Variants in SHANK2 observed in about 807,000 individuals in gnomAD.
The protein encoded by SHANK2 is SH3 and multiple ankyrin repeat domains protein 2.
In SHANK2, 43 loss-of-function variants were observed where a neutral mutation model predicts 133.7. The observed-to-expected ratio is 0.32, with a 90% CI of 0.25 to 0.41. The LOEUF is 0.41. SHANK2 is among the 10% of genes least tolerant of loss of function. The pLI is 1.00. For missense variants in SHANK2, 1,994 were observed against 2,235.8 expected, an observed-to-expected ratio of 0.89 and a Z score of 2.18; for synonymous variants, 1,017 against 952.8, an observed-to-expected ratio of 1.07 and a Z score of -1.24.
intron 9 of SHANK2, among the ~76,000 whole-genome samples, chr11:71,057,768 C>T (rs1370162932): frequency 6.7e-6 from 1 of 149,874 alleles, no homozygotes; most frequent in Non-Finnish European, 1.5e-5. Context: ...AGGCTAGTCT[C>T]GAACTCCTGG....
chr11:71,085,299 A>C (rs1423980704), intron 8 of SHANK2, among the ~76,000 whole-genome samples: 7 of 151,068 alleles, frequency 4.6e-5, no homozygotes, highest in Admixed American at 4.0e-4. Context: ...TCTACTAAAA[A>C]TACAAAATTA....
At chr11:70,657,324 T>C (rs1231324133) in intron 17 of SHANK2, among the ~76,000 whole-genome samples, 6 of 152,150 alleles carry the variant, frequency 3.9e-5, no homozygotes, top group African/African-American at 1.4e-4. Context: ...TGTGAGGCTA[T>C]TTCACACCAT....
At chr11:70,768,087 A>T (rs533941231) in intron 14 of SHANK2, among the ~76,000 whole-genome samples, 1 of 152,210 alleles carries the variant, frequency 6.6e-6, no homozygotes, top group Admixed American at 6.5e-5. Flanking sequence ...GATGTTGCTG[A>T]ATTTCTTGGA....
intron 17 of SHANK2, among the ~76,000 whole-genome samples, chr11:70,536,697 A>G (rs531131705): frequency 4.6e-5 from 7 of 152,288 alleles, no homozygotes; most frequent in African/African-American, 1.7e-4. Flanking sequence ...TGTCTTGGAC[A>G]TTTCGTGAAA....
At chr11:71,074,284 A>C (rs1364586086) in intron 9 of SHANK2, among the ~76,000 whole-genome samples, 1 of 152,098 alleles carries the variant, frequency 6.6e-6, no homozygotes, top group African/African-American at 2.4e-5. Flanking sequence ...GGACTTAGAG[A>C]CCCGGAGAAC....
chr11:70,901,390 A>C (rs1209296585), intron 10 of SHANK2, among the ~76,000 whole-genome samples: 1 of 152,206 alleles, frequency 6.6e-6, no homozygotes, highest in Non-Finnish European at 1.5e-5. Flanking sequence ...GCACCCACAG[A>C]ATCTTCTATG....
chr11:70,500,523 G>T lies in SHANK2; in HGVS notation c.2308+47C>A. On this transcript the variant is annotated intron_variant, in intron 21 of 25. Transcript: ENST00000601538. This position sits in a 1 kb window ranked among gnomAD's most constrained non-coding sequence, Gnocchi z 4.5. Reference sequence around the variant, plus strand: ...TCACAAAGGATGTTTCTGTTCCACAGGGGGGTGATGGGCAGGGGGCTGAGA... The same window carrying T: ...TCACAAAGGATGTTTCTGTTCCACATGGGGGTGATGGGCAGGGGGCTGAGA... 1 of 1,586,090 alleles carries T rather than the reference G, an allele frequency of 6.3e-7. No homozygotes were observed. The highest frequency in any genetic ancestry group is 8.6e-7 in the Non-Finnish European group (1 of 1,165,592).
At chr11:70,674,569 G>A (rs566193422) in intron 15 of SHANK2, among the ~76,000 whole-genome samples, 26 of 152,308 alleles carry the variant, frequency 1.7e-4, no homozygotes, top group East Asian at 5.8e-4. Context: ...GGCTGGTCTC[G>A]AACTCCTGAC....
intron 3 of SHANK2, among the ~76,000 whole-genome samples, chr11:71,131,930 G>A (rs1555103774): frequency 1.3e-5 from 2 of 152,188 alleles, no homozygotes. Flanking sequence ...ATCATTCCCA[G>A]AGCCACACAG....
At chr11:71,216,058 A>G (rs1954406177) in intron 2 of SHANK2, among the ~76,000 whole-genome samples, 1 of 151,362 alleles carries the variant, frequency 6.6e-6, no homozygotes, top group African/African-American at 2.4e-5. Flanking sequence ...TCTCTGGAAC[A>G]TGGTTTGTCC....
intron 11 of SHANK2, chr11:70,895,268 C>A (rs939783355): frequency 6.5e-6 from 1 of 152,680 alleles, no homozygotes; most frequent in African/African-American, 2.4e-5. Flanking sequence ...CACGGTAAAG[C>A]CTCGACAGCC....
intron 14 of SHANK2, among the ~76,000 whole-genome samples, chr11:70,733,251 C>T (rs1946327624): frequency 6.6e-6 from 1 of 152,002 alleles, no homozygotes. Context: ...AAGGGCATCC[C>T]AGGAAGGAGG....
At chr11:71,121,200 G>A (rs1420259187) in intron 3 of SHANK2, among the ~76,000 whole-genome samples, 1 of 152,228 alleles carries the variant, frequency 6.6e-6, no homozygotes, top group Non-Finnish European at 1.5e-5. Context: ...GCAGTCCTCT[G>A]ATTCCCCCAT....
intron 14 of SHANK2, among the ~76,000 whole-genome samples, chr11:70,711,005 A>T (rs1342690782): frequency 6.6e-6 from 1 of 152,214 alleles, no homozygotes; most frequent in Non-Finnish European, 1.5e-5. Context: ...AAAGAGAGAG[A>T]GAGAGGGAGG....
At chr11:70,796,993 T>C (rs1947928234) in intron 14 of SHANK2, among the ~76,000 whole-genome samples, 1 of 152,218 alleles carries the variant, frequency 6.6e-6, no homozygotes, top group African/African-American at 2.4e-5. Flanking sequence ...AGAAGCTCTC[T>C]GCCCATTTCC....
chr11:71,246,819 A>G (rs1954967350), intron 1 of SHANK2, among the ~76,000 whole-genome samples: 1 of 152,180 alleles, frequency 6.6e-6, no homozygotes, highest in South Asian at 2.1e-4. Context: ...TAGGGCTTCA[A>G]TTAAAACACC....
intron 17 of SHANK2, among the ~76,000 whole-genome samples, chr11:70,507,268 A>G (rs2059148014): frequency 6.6e-6 from 1 of 152,154 alleles, no homozygotes; most frequent in African/African-American, 2.4e-5. Flanking sequence ...AACTGCTATC[A>G]CTGCCTTTGA....
intron 17 of SHANK2, among the ~76,000 whole-genome samples, chr11:70,533,264 T>C (rs1554973565): frequency 6.6e-6 from 1 of 152,208 alleles, no homozygotes; most frequent in Non-Finnish European, 1.5e-5. Flanking sequence ...TTTAGACTTT[T>C]ATTTTTGTAG....
chr11:71,223,687 A>G (rs1202686250), intron 2 of SHANK2, among the ~76,000 whole-genome samples: 2 of 152,174 alleles, frequency 1.3e-5, no homozygotes, highest in African/African-American at 2.4e-5. Context: ...GCCCTTCCAC[A>G]GTATTAAGAT....
Sources: allele counts gnomAD v4.1 joint callset (sites outside exome capture counted in the v4.1 genomes callset), GRCh38; gene constraint gnomAD v4.1.1; non-coding constraint Gnocchi (gnomAD v3.1); transcripts MANE v1.5; gene names NCBI Gene and HGNC (gene_info 2026-07-23, HGNC 2026-07-21).